Variants in PIK3C2G observed in about 807,000 individuals in gnomAD.
The protein encoded by PIK3C2G is phosphatidylinositol-4-phosphate 3-kinase catalytic subunit type 2 gamma.
PIK3C2G carries 168 observed loss-of-function variants against 181.1 expected under a neutral mutation model. That is an observed-to-expected ratio of 0.93 (90% CI 0.82 to 1.05). The LOEUF (loss-of-function observed/expected upper bound fraction) is 1.05. PIK3C2G is among the 50% of genes least tolerant of loss of function. PIK3C2G has a pLI of 0.00. For synonymous variants in PIK3C2G, 573 were observed against 592.2 expected (o/e 0.97, Z 0.47); for missense variants, 1,869 against 1,732.8 (o/e 1.08, Z -1.40).
At chr12:18,698,242 C>CTTCTA in the PIK3C2G span, among the ~76,000 whole-genome samples, 34,637 of 145,374 alleles carry the variant, frequency 0.24, 4,235 homozygotes, top group Middle Eastern at 0.25. Context: ...ATACACTTTT[C>CTTCTA]TTCTATTCTA....
At chr12:18,579,935 C>A (rs867857184) in intron 29 of PIK3C2G, among the ~76,000 whole-genome samples, 14 of 151,980 alleles carry the variant, frequency 9.2e-5, no homozygotes, top group African/African-American at 3.4e-4. Context: ...GAGATCAAGA[C>A]CATCCTGGCC....
chr12:18,354,939 G>A (rs766832907), intron 11 of PIK3C2G, among the ~76,000 whole-genome samples: 10 of 151,928 alleles, frequency 6.6e-5, no homozygotes, highest in Non-Finnish European at 8.8e-5. Flanking sequence ...CCACCCACAG[G>A]TGCCATTGCA....
chr12:18,719,570 G>A, the PIK3C2G span: 110 of 1,604,860 alleles, frequency 6.9e-5, no homozygotes, highest in Non-Finnish European at 9.1e-5. Context: ...TTAAACAGTA[G>A]ACATTCACGT....
chr12:18,652,459 G>A (rs1263192160), downstream of PIK3C2G, among the ~76,000 whole-genome samples: 3 of 152,096 alleles, frequency 2.0e-5, no homozygotes, highest in East Asian at 5.8e-4. Context: ...CTCTCAAAAG[G>A]AACCAACCAT....
chr12:18,351,829 G>A (rs1454517392), intron 11 of PIK3C2G, among the ~76,000 whole-genome samples: 1 of 152,142 alleles, frequency 6.6e-6, no homozygotes, highest in Non-Finnish European at 1.5e-5. Flanking sequence ...TATGTTCTGA[G>A]AAATGTGTTG....
chr12:18,590,546 C>G (rs577582703), intron 29 of PIK3C2G, among the ~76,000 whole-genome samples: 1 of 151,956 alleles, frequency 6.6e-6, no homozygotes, highest in African/African-American at 2.4e-5. Flanking sequence ...TGTGGCAACA[C>G]TGCTTAGAGG....
chr12:18,602,630 C>G (rs572097889), intron 30 of PIK3C2G, among the ~76,000 whole-genome samples: 1 of 152,248 alleles, frequency 6.6e-6, no homozygotes, highest in East Asian at 1.9e-4. Flanking sequence ...ATTCCACCCT[C>G]TGCCACCTCA....
chr12:18,642,432 T>C (rs1254672589), intron 32 of PIK3C2G, among the ~76,000 whole-genome samples: 2 of 152,210 alleles, frequency 1.3e-5, no homozygotes, highest in Non-Finnish European at 2.9e-5. Flanking sequence ...TTTGTGTTCT[T>C]ATACTCTTTT....
intron 24 of PIK3C2G, 44 bp from the exon 25 acceptor site, chr12:18,538,112 C>T (rs367962883): frequency 5.1e-4 from 801 of 1,559,810 alleles, no homozygotes; most frequent in Non-Finnish European, 6.3e-4. Flanking sequence ...CCTGACAAAC[C>T]ATTTCTCTTC....
rs548487301 is a variant in PIK3C2G at position 18,546,272 on chromosome 12, C to T, written c.3481-51C>T. 1.8e-4 allele frequency: 194 copies of T among 1,071,966 alleles called. 4 individuals are homozygous for T. In the South Asian group the frequency reaches 2.6e-3, roughly 14 times the overall value. The allele number at this position is 1,071,966 out of a possible 1,614,324, so 66.4% of individuals were successfully genotyped here. ...ATTAATCAAGTAAGCTTGATTGTAT[C>T]TGCATTTATTCTGTCTTCTTTTTGC... On this transcript the variant is annotated intron_variant, in intron 25 of 32. Coordinates refer to ENST00000538779, the MANE Select transcript of PIK3C2G (RefSeq NM_001288772.2).
chr12:18,381,381 G>A (rs1197505976), intron 13 of PIK3C2G, among the ~76,000 whole-genome samples: 7 of 151,860 alleles, frequency 4.6e-5, no homozygotes, highest in African/African-American at 1.4e-4. Context: ...AGCAAAATAT[G>A]TTCTGAAGAG....
intron 11 of PIK3C2G, among the ~76,000 whole-genome samples, chr12:18,347,559 T>G (rs1209909903): frequency 6.6e-6 from 1 of 152,058 alleles, no homozygotes; most frequent in Non-Finnish European, 1.5e-5. Flanking sequence ...CCTGTAATCC[T>G]AGCACTTTGG....
intron 20 of PIK3C2G, among the ~76,000 whole-genome samples, chr12:18,495,575 T>C (rs1239902701): frequency 6.6e-6 from 1 of 152,176 alleles, no homozygotes; most frequent in African/African-American, 2.4e-5. Flanking sequence ...GAGGTTACTT[T>C]CTCCACTTTA....
chr12:18,279,207 A>G (rs931059048), intron 1 of PIK3C2G, among the ~76,000 whole-genome samples: 1 of 152,066 alleles, frequency 6.6e-6, no homozygotes, highest in African/African-American at 2.4e-5. Flanking sequence ...CATAAACTCA[A>G]ACGTTAGATA....
At chr12:18,275,003 T>C (rs1461090248) in intron 1 of PIK3C2G, among the ~76,000 whole-genome samples, 1 of 152,210 alleles carries the variant, frequency 6.6e-6, no homozygotes, top group East Asian at 1.9e-4. Context: ...TCATTTTGAT[T>C]GTCTGAAGCT....
intron 25 of PIK3C2G, among the ~76,000 whole-genome samples, chr12:18,543,992 G>A (rs574292829): frequency 6.2e-4 from 94 of 151,880 alleles, no homozygotes; most frequent in African/African-American, 2.2e-3. Flanking sequence ...GAAGCAATAC[G>A]TACTATGAAA....
chr12:18,651,777 C>A (rs1032399258), downstream of PIK3C2G, among the ~76,000 whole-genome samples: 2 of 152,176 alleles, frequency 1.3e-5, no homozygotes, highest in African/African-American at 4.8e-5. Context: ...AGGCTCCTTG[C>A]AGGGTATATG....
intron 1 of PIK3C2G, among the ~76,000 whole-genome samples, chr12:18,265,570 T>C (rs544020601): frequency 3.0e-4 from 46 of 152,308 alleles, no homozygotes; most frequent in African/African-American, 1.1e-3. Context: ...TTGATGCTTT[T>C]AGCCTACAGT....
At chr12:18,656,751 A>T in the PIK3C2G span, among the ~76,000 whole-genome samples, 378 of 50,486 alleles carry the variant, frequency 7.5e-3, 2 homozygotes, top group Non-Finnish European at 0.011. Flanking sequence ...CAGCAACAAC[A>T]ACGACAACAA....
Sources: allele counts gnomAD v4.1 joint callset (sites outside exome capture counted in the v4.1 genomes callset), GRCh38; gene constraint gnomAD v4.1.1; transcripts MANE v1.5; gene names NCBI Gene and HGNC (gene_info 2026-07-23, HGNC 2026-07-21).